POU6F2: variants seen among roughly 807,000 people sequenced by gnomAD.
POU6F2 encodes the protein POU domain, class 6, transcription factor 2.
In POU6F2, 31 loss-of-function variants were observed where a neutral mutation model predicts 71.3. That is an observed-to-expected ratio of 0.43 (90% CI 0.33 to 0.59). The LOEUF (loss-of-function observed/expected upper bound fraction) is 0.59. POU6F2 is among the 20% of genes least tolerant of loss of function. The pLI, the probability that POU6F2 is intolerant of heterozygous loss-of-function variation, is 0.04. For synonymous variants in POU6F2, 347 were observed against 355.7 expected (o/e 0.98, Z 0.27); for missense variants, 783 against 856.8 (o/e 0.91, Z 1.07).
Position 39,037,294 on chromosome 7 carries a change from C to T in POU6F2, c.106-48566C>T, listed in dbSNP as rs549592444. ...CCTTCATTTATTTTCTTTTTTGAGA[C>T]CTCAGAAAAATTGAGCACATAAATT... is the stretch of plus-strand genomic sequence containing the variant. On this transcript the variant is annotated intron_variant, in intron 1 of 9. Transcript: ENST00000518318. Among the ~76,000 whole-genome samples the T allele has an allele frequency of 2.0e-5, 3 of 152,032 alleles. No homozygotes were observed. The South Asian group carries it at 6.2e-4, about 32-fold the overall frequency.
intron 6 of POU6F2, among the ~76,000 whole-genome samples, chr7:39,424,973 G>A (rs1021887139): frequency 1.3e-5 from 2 of 152,070 alleles, no homozygotes; most frequent in African/African-American, 4.8e-5. Flanking sequence ...ATTCAAGTCC[G>A]ATAAGAATGA....
intron 2 of POU6F2, among the ~76,000 whole-genome samples, chr7:39,126,091 C>T (rs1473639386): frequency 3.9e-5 from 6 of 152,174 alleles, no homozygotes; most frequent in African/African-American, 1.4e-4. Flanking sequence ...TGACAGCTTC[C>T]ATTCCAGTCT....
At chr7:39,081,244 G>A (rs965461464) in intron 1 of POU6F2, among the ~76,000 whole-genome samples, 3 of 152,158 alleles carry the variant, frequency 2.0e-5, no homozygotes, top group African/African-American at 7.2e-5. Context: ...TTTGAGTTTA[G>A]TATTATAGAA....
At chr7:39,196,315 T>C (rs1297448431) in intron 2 of POU6F2, among the ~76,000 whole-genome samples, 1 of 152,226 alleles carries the variant, frequency 6.6e-6, no homozygotes, top group Admixed American at 6.5e-5. Context: ...CAAAATCGTA[T>C]TTTATCAATT....
intron 6 of POU6F2, among the ~76,000 whole-genome samples, chr7:39,427,162 T>G (rs1787991389): frequency 6.6e-6 from 1 of 152,198 alleles, no homozygotes; most frequent in Non-Finnish European, 1.5e-5. Flanking sequence ...TATTGAACAC[T>G]TATTTGGCTG....
intron 2 of POU6F2, among the ~76,000 whole-genome samples, chr7:39,128,658 G>T (rs941415437): frequency 2.6e-5 from 4 of 152,196 alleles, no homozygotes; most frequent in Admixed American, 1.3e-4. Flanking sequence ...GATGAAATTG[G>T]TGGTATTTTA....
intron 2 of POU6F2, among the ~76,000 whole-genome samples, chr7:39,095,992 C>G (rs1310452191): frequency 6.6e-6 from 1 of 152,108 alleles, no homozygotes; most frequent in African/African-American, 2.4e-5. Context: ...GATTGTTGCT[C>G]TTTCATTTTC....
intron 2 of POU6F2, among the ~76,000 whole-genome samples, chr7:39,194,105 C>G (rs1440218685): frequency 6.6e-6 from 1 of 152,164 alleles, no homozygotes; most frequent in East Asian, 1.9e-4. Flanking sequence ...CCACACATTC[C>G]TGTGCCTAGA....
Position 39,127,688 on chromosome 7 carries a change from G to T in POU6F2, c.277+41657G>T, listed in dbSNP as rs1414747377. Among the ~76,000 whole-genome samples the T allele has an allele frequency of 5.9e-5, 9 of 152,184 alleles. No homozygotes were observed. In the East Asian group the frequency reaches 1.7e-3, roughly 29 times the overall value. Reference sequence around the variant, plus strand: ...CATTTGAGCTGAGCCCTGAATGAAGGGAGAGATTGAGTCACGTGGAGATGT... The same window carrying T: ...CATTTGAGCTGAGCCCTGAATGAAGTGAGAGATTGAGTCACGTGGAGATGT... On this transcript the variant is annotated intron_variant, in intron 2 of 9. Transcript: ENST00000518318.
intron 4 of POU6F2, among the ~76,000 whole-genome samples, chr7:39,278,796 A>G (rs1423473349): frequency 6.6e-6 from 1 of 152,158 alleles, no homozygotes; most frequent in Non-Finnish European, 1.5e-5. Flanking sequence ...TCCAGCATGT[A>G]GCTCAGCTGA....
chr7:39,359,200 A>T (rs1786325302), intron 5 of POU6F2, among the ~76,000 whole-genome samples: 1 of 152,132 alleles, frequency 6.6e-6, no homozygotes, highest in Admixed American at 6.5e-5. Flanking sequence ...AGTAATACAG[A>T]AGAGGTACCT....
At position 39,133,775 on chromosome 7, in the gene POU6F2, A is replaced by G. The variant is rs1163255880; in HGVS notation, c.277+47744A>G. ...ATTCACTGTACTATGTGATATTCAC[A>G]TAGACCACAATGTACAGCCTGTGTA... On this transcript the variant is annotated intron_variant, in intron 2 of 9. Transcript: ENST00000518318. 5.9e-5 allele frequency among the ~76,000 whole-genome samples: 9 copies of G among 152,258 alleles called. No individual in the cohort carries two copies. The East Asian group carries it at 1.7e-3, about 29-fold the overall frequency.
chr7:39,064,327 G>T (rs1790714695), intron 1 of POU6F2, among the ~76,000 whole-genome samples: 1 of 151,856 alleles, frequency 6.6e-6, no homozygotes, highest in Non-Finnish European at 1.5e-5. Context: ...GTGCTTCAAT[G>T]ATATCATTAT....
At chr7:39,178,857 C>A (rs1793379587) in intron 2 of POU6F2, among the ~76,000 whole-genome samples, 1 of 152,160 alleles carries the variant, frequency 6.6e-6, no homozygotes, top group Admixed American at 6.5e-5. Flanking sequence ...TAGTTCCATC[C>A]CATCAGGGCA....
chr7:39,131,406 G>A (rs935045903), intron 2 of POU6F2, among the ~76,000 whole-genome samples: 1 of 152,344 alleles, frequency 6.6e-6, no homozygotes, highest in East Asian at 1.9e-4. Flanking sequence ...AAATTGATAA[G>A]CTGAGTGCTG....
At chr7:39,107,268 T>C (rs1791710613) in intron 2 of POU6F2, among the ~76,000 whole-genome samples, 1 of 151,924 alleles carries the variant, frequency 6.6e-6, no homozygotes, top group South Asian at 2.1e-4. Context: ...TGGTCTCCAA[T>C]TCCTGGGCTC....
At chr7:39,211,539 G>GT (rs1303094813) in intron 4 of POU6F2, among the ~76,000 whole-genome samples, 4 of 152,298 alleles carry the variant, frequency 2.6e-5, no homozygotes, top group Non-Finnish European at 4.4e-5. Flanking sequence ...CAGAAAACCT[G>GT]TATGTGTGGC....
At chr7:39,058,187 TCTC>T (rs1235168788) in intron 1 of POU6F2, among the ~76,000 whole-genome samples, 1 of 152,196 alleles carries the variant, frequency 6.6e-6, no homozygotes, top group East Asian at 1.9e-4. Flanking sequence ...TGTATCCTCT[TCTC>T]CAAGTTATCT....
chr7:39,306,220 G>A (rs1246302913), intron 4 of POU6F2, among the ~76,000 whole-genome samples: 1 of 152,268 alleles, frequency 6.6e-6, no homozygotes, highest in East Asian at 1.9e-4. Context: ...ATAAAGTCAC[G>A]CTTGCTTATA....
Sources: gnomAD v4.1 joint callset for allele counts (sites outside exome capture counted in the v4.1 genomes callset) on GRCh38, gnomAD v4.1.1 for gene constraint, MANE v1.5 for transcripts, NCBI Gene and HGNC (gene_info 2026-07-23, HGNC 2026-07-21) for gene names.